TNC: variants seen among roughly 807,000 people sequenced by gnomAD.
The protein encoded by TNC is tenascin C.
Under a neutral mutation model 202.4 loss-of-function variants are expected in TNC, and 109 were observed. The observed-to-expected ratio is 0.54, with a 90% CI of 0.46 to 0.63. The LOEUF is 0.63. Ranked by LOEUF, TNC falls within the 30% of genes least tolerant of loss-of-function variation. TNC has a pLI of 0.00. For synonymous variants in TNC, 1,007 were observed against 1,089.7 expected, an observed-to-expected ratio of 0.92 and a Z score of 1.50; for missense variants, 2,756 against 2,833.3, an observed-to-expected ratio of 0.97 and a Z score of 0.62.
At chr9:115,044,156 G>T (rs758991335) in intron 17 of TNC, among the ~76,000 whole-genome samples, 13 of 151,944 alleles carry the variant, frequency 8.6e-5, no homozygotes, top group Non-Finnish European at 1.3e-4. Context: ...CCTTGTGAGT[G>T]AGAGGAGGAG....
intron 1 of TNC, among the ~76,000 whole-genome samples, chr9:115,108,187 T>G (rs1836759429): frequency 6.6e-6 from 1 of 152,204 alleles, no homozygotes; most frequent in African/African-American, 2.4e-5. Context: ...GGATTTTTAG[T>G]GCAGATCTAG....
intron 3 of TNC, 80 bp from the exon 4 acceptor site, chr9:115,084,552 C>G: frequency 6.7e-7 from 1 of 1,501,294 alleles, no homozygotes; most frequent in Non-Finnish European, 9.0e-7. Context: ...CCTGTCTTTT[C>G]CACTGTCAGC....
chr9:115,037,979 C>T (rs946518218), intron 20 of TNC, among the ~76,000 whole-genome samples: 9 of 152,124 alleles, frequency 5.9e-5, no homozygotes, highest in Non-Finnish European at 1.0e-4. Context: ...GTTTCCTAAA[C>T]GGGGTGTCTC....
intron 22 of TNC, among the ~76,000 whole-genome samples, chr9:115,033,020 C>T (rs1285390424): frequency 1.3e-5 from 2 of 152,184 alleles, no homozygotes; most frequent in African/African-American, 4.8e-5. Flanking sequence ...AGTCATGCAT[C>T]AGTGCAGAAG....
intron 17 of TNC, among the ~76,000 whole-genome samples, chr9:115,043,562 A>G (rs1830938549): frequency 6.6e-6 from 1 of 152,194 alleles, no homozygotes; most frequent in African/African-American, 2.4e-5. Context: ...TGTTTTGAGG[A>G]TTAGCAGAGA....
rs1376579858 is a variant in TNC at position 115,091,015 on chromosome 9, C to G, written c.4G>C (p.Gly2Arg). Residue 2 changes from glycine to arginine, a missense_variant, in exon 2 of 28, where the codon GGG (glycine) becomes CGG (arginine). Gly to Arg is a moderately radical substitution (Grantham distance 125). This residue lies in a region of TNC where 2,559 missense variants were observed against 2,546.0 expected (regional missense o/e 1.01). Coordinates refer to ENST00000350763, the MANE Select transcript of TNC (RefSeq NM_002160.4). ...CCTGCCAACAGCTGAGTCATGGCCC[C>G]CATGGTGGAGGTGGGTTTGGCTGGG... M[G>R]AMTQLLAGVF... is the part of the protein sequence containing the mutation. The G allele has an allele frequency of 3.1e-6, 5 of 1,609,094 alleles. No homozygotes were observed. Among genetic ancestry groups the G allele is most frequent in the Non-Finnish European group, 3.4e-6 (4 of 1,179,628 alleles).
intron 2 of TNC, among the ~76,000 whole-genome samples, chr9:115,090,311 G>GT (rs1363448206): frequency 6.6e-6 from 1 of 152,128 alleles, no homozygotes; most frequent in African/African-American, 2.4e-5. Context: ...GTAAAATAGG[G>GT]TTTTTCAAAG....
At position 115,030,377 on chromosome 9, in the gene TNC, G is replaced by A. The variant is rs1403401632; in HGVS notation, c.5949C>T (p.Asp1983=). The A allele has an allele frequency of 6.2e-7, 1 of 1,613,980 alleles. No individual in the cohort carries two copies. Among genetic ancestry groups the A allele is most frequent in the South Asian group, 1.1e-5 (1 of 91,034 alleles). ...CTCCATTCAGCATTGCTTGGGAGCA[G>A]TCCTTGGGGAAGGGGTACAGGAGTC... The part of the protein sequence containing the change: ...TIGLLYPFPK[D]CSQAMLNGDT... The change falls in exon 24 of 28, where the codon GAC becomes GAT. Residue 1983 remains aspartate (D), a synonymous_variant. Transcript: ENST00000350763.
chr9:115,092,972 T>G (rs556749429), intron 1 of TNC, among the ~76,000 whole-genome samples: 2 of 152,312 alleles, frequency 1.3e-5, no homozygotes, highest in South Asian at 4.1e-4. Context: ...AAGTTAGTTA[T>G]TTATGTCAAT....
At chr9:115,076,967 G>A (rs977887644) in intron 7 of TNC, among the ~76,000 whole-genome samples, 1 of 152,034 alleles carries the variant, frequency 6.6e-6, no homozygotes, top group Admixed American at 6.6e-5. Flanking sequence ...GTGCGATCTC[G>A]GCTCACTGCA....
At chr9:115,066,651 T>A (rs11793382) in intron 10 of TNC, among the ~76,000 whole-genome samples, 19,338 of 152,228 alleles carry the variant, frequency 0.13, 1,470 homozygotes, top group Non-Finnish European at 0.18. Context: ...GAGGCCCACA[T>A]CTGGCCAGCT....
intron 22 of TNC, among the ~76,000 whole-genome samples, chr9:115,032,595 C>G (rs545844567): frequency 5.3e-5 from 8 of 152,232 alleles, no homozygotes; most frequent in Non-Finnish European, 1.0e-4. Context: ...ATGGAATCAT[C>G]AGAGCCAGAA....
At chr9:115,089,427 T>A (rs1835038657) in intron 2 of TNC, among the ~76,000 whole-genome samples, 1 of 152,126 alleles carries the variant, frequency 6.6e-6, no homozygotes, top group Admixed American at 6.6e-5. Flanking sequence ...AAACAGGGCA[T>A]CCATGGGAGA....
intron 14 of TNC, among the ~76,000 whole-genome samples, chr9:115,059,514 A>T (rs923902975): frequency 3.9e-5 from 6 of 152,150 alleles, no homozygotes; most frequent in Admixed American, 3.9e-4. Context: ...GGGGCTGGAG[A>T]TCAGAAAGGG....
chr9:115,084,963 G>A (rs1245172730), intron 3 of TNC, among the ~76,000 whole-genome samples: 4 of 152,140 alleles, frequency 2.6e-5, no homozygotes, highest in Admixed American at 1.3e-4. Context: ...CCAGCCTGGT[G>A]TTCTTTCCAA....
At chr9:115,066,992 C>T (rs1336538599) in intron 10 of TNC, among the ~76,000 whole-genome samples, 3 of 152,216 alleles carry the variant, frequency 2.0e-5, no homozygotes, top group African/African-American at 7.2e-5. Flanking sequence ...AACCCCGACT[C>T]ATATCCTAAA....
At chr9:115,080,973 T>C (rs1834261967) in intron 6 of TNC, among the ~76,000 whole-genome samples, 1 of 152,160 alleles carries the variant, frequency 6.6e-6, no homozygotes, top group Non-Finnish European at 1.5e-5. Flanking sequence ...CTAGTACTGC[T>C]AAATCCTATT....
In TNC at chr9:115,023,037, CAAAAAAA is replaced by C. The variant is rs112725157; in HGVS notation, c.6495+929_6495+935del. ...CCACAACAACAAAAATGCAAATATG[CAAAAAAA>C]AAAAAAAAATGAGATGCTGTGTCTT... On this transcript the variant is annotated intron_variant, in intron 27 of 27. Coordinates refer to ENST00000350763, the MANE Select transcript of TNC (RefSeq NM_002160.4). Among the ~76,000 whole-genome samples, 1,143 of 122,174 alleles carry C rather than the reference CAAAAAAA, an allele frequency of 9.4e-3. 21 individuals carry two copies. Among genetic ancestry groups the C allele is most frequent in the African/African-American group, 0.033 (1,103 of 33,382 alleles). 80.2% of individuals were successfully genotyped at this position (122,174 alleles called of 152,430 possible).
intron 17 of TNC, among the ~76,000 whole-genome samples, chr9:115,044,404 C>CAT (rs1357740379): frequency 6.6e-6 from 1 of 151,632 alleles, no homozygotes; most frequent in African/African-American, 2.4e-5. Context: ...CACACACACA[C>CAT]ACACACACAC....
Sources: gnomAD v4.1 joint callset for allele counts (sites outside exome capture counted in the v4.1 genomes callset) on GRCh38, gnomAD v4.1.1 for gene constraint, gnomAD v4.1.1 regional missense constraint, MANE v1.5 for transcripts, NCBI Gene and HGNC (gene_info 2026-07-23, HGNC 2026-07-21) for gene names.